The following FAM114A1 variants were observed in gnomAD, a reference collection of about 807,000 sequenced individuals.
FAM114A1 encodes family with sequence similarity 114 member A1, also known as protein NOXP20.
Under a neutral mutation model 64.3 loss-of-function variants are expected in FAM114A1, and 62 were observed. The ratio of observed to expected loss-of-function variants is 0.96; its 90% CI spans 0.79 to 1.19. The LOEUF (loss-of-function observed/expected upper bound fraction) is 1.19. FAM114A1 is among the 50% of genes most tolerant of loss of function. FAM114A1 has a pLI of 0.00. For synonymous variants in FAM114A1, 254 were observed against 251.1 expected, an observed-to-expected ratio of 1.01 and a Z score of -0.11; for missense variants, 645 against 676.3, an observed-to-expected ratio of 0.95 and a Z score of 0.51.
At chr4:38,924,814 C>G (rs747633189) in intron 9 of FAM114A1, among the ~76,000 whole-genome samples, 1 of 152,246 alleles carries the variant, frequency 6.6e-6, no homozygotes, top group Non-Finnish European at 1.5e-5. Flanking sequence ...TGCCCCTTTC[C>G]CAGACTAGCA....
chr4:38,917,499 T>C (rs28445734), intron 8 of FAM114A1, among the ~76,000 whole-genome samples: 79,989 of 152,126 alleles, frequency 0.53, 23,514 homozygotes, highest in African/African-American at 0.79. Flanking sequence ...AGATAATCCA[T>C]GGAAAGCTAG....
chr4:38,876,975 G>C (rs1307957160), intron 2 of FAM114A1, among the ~76,000 whole-genome samples: 1 of 152,082 alleles, frequency 6.6e-6, no homozygotes, highest in Non-Finnish European at 1.5e-5. Flanking sequence ...TACATTTAAG[G>C]CCAACTCAGA....
intron 7 of FAM114A1, among the ~76,000 whole-genome samples, chr4:38,910,829 C>T (rs1043189905): frequency 3.9e-5 from 6 of 151,964 alleles, no homozygotes; most frequent in South Asian, 4.2e-4. Flanking sequence ...GGGCTCCGGG[C>T]GAGAGCTGTT....
chr4:38,908,846 A>C (rs1718275285), intron 7 of FAM114A1, 120 bp downstream of exon 7: 17 of 1,073,640 alleles, frequency 1.6e-5, no homozygotes, highest in Non-Finnish European at 2.2e-5. Flanking sequence ...ACCAAAGAGC[A>C]GAGAGAGAAA....
At chr4:38,878,011 C>A in intron 2 of FAM114A1, 60 bp from the exon 3 acceptor site, 2 of 1,367,664 alleles carry the variant, frequency 1.5e-6, no homozygotes, top group Non-Finnish European at 2.0e-6. Flanking sequence ...TTATCCAGGG[C>A]TTTGAATTGA....
At chr4:38,912,306 A>G (rs1238837433) in intron 7 of FAM114A1, among the ~76,000 whole-genome samples, 1 of 152,134 alleles carries the variant, frequency 6.6e-6, no homozygotes, top group Non-Finnish European at 1.5e-5. Context: ...TTTCTTCTCT[A>G]GTGGGAAAAT....
intron 10 of FAM114A1, 86 bp downstream of exon 10, chr4:38,929,419 G>A: frequency 9.8e-7 from 1 of 1,017,192 alleles, no homozygotes; most frequent in South Asian, 1.4e-5. Flanking sequence ...AGATGCACCT[G>A]AAATGGAAAA....
chr4:38,936,361 TG>T, intron 13 of FAM114A1, among the ~76,000 whole-genome samples: 1 of 152,112 alleles, frequency 6.6e-6, no homozygotes, highest in African/African-American at 2.4e-5. Flanking sequence ...TGCAAAGTGC[TG>T]GGATTACAGG....
At chr4:38,911,278 C>T (rs1167044394) in intron 7 of FAM114A1, among the ~76,000 whole-genome samples, 1 of 152,276 alleles carries the variant, frequency 6.6e-6, no homozygotes, top group Non-Finnish European at 1.5e-5. Flanking sequence ...AAAGGCTGGG[C>T]GAAGCCATGG....
intron 2 of FAM114A1, among the ~76,000 whole-genome samples, chr4:38,876,482 A>C (rs1714655604): frequency 6.6e-6 from 1 of 152,046 alleles, no homozygotes; most frequent in South Asian, 2.1e-4. Context: ...TCCTATGCTT[A>C]TTCTCATTAT....
chr4:38,941,437 G>A (rs546186443), intron 14 of FAM114A1, among the ~76,000 whole-genome samples: 3 of 152,224 alleles, frequency 2.0e-5, no homozygotes, highest in Admixed American at 2.0e-4. Context: ...GTCCAAGCTG[G>A]CAACAATGAC....
At chr4:38,884,627 A>T (rs1198624048) in intron 3 of FAM114A1, among the ~76,000 whole-genome samples, 1 of 152,244 alleles carries the variant, frequency 6.6e-6, no homozygotes, top group African/African-American at 2.4e-5. Context: ...TTCAGATCAC[A>T]TTGTACCACA....
intron 3 of FAM114A1, among the ~76,000 whole-genome samples, chr4:38,883,225 G>C (rs1715470932): frequency 6.6e-6 from 1 of 152,130 alleles, no homozygotes. Context: ...TGTTGTATGA[G>C]AGCAATGATT....
rs1451000941 is a variant in FAM114A1 at position 38,878,527 on chromosome 4, A to G, written c.348+101A>G. ...TCTGTGGGTGGGAATTGGGAGTTCA[A>G]AATGTACTGTGACATCCCCTCTGTC... On this transcript the variant is annotated intron_variant, in intron 3 of 14. Coordinates refer to ENST00000358869, the MANE Select transcript of FAM114A1 (RefSeq NM_138389.4). 3.3e-5 allele frequency: 31 copies of G among 942,358 alleles called. No individual in the cohort carries two copies. The East Asian group carries it at 3.5e-4, about 11-fold the overall frequency. 58.4% of individuals were successfully genotyped at this position (942,358 alleles called of 1,614,324 possible).
chr4:38,878,237 T>C lies in FAM114A1; in HGVS notation c.159T>C (p.His53=). The C allele has an allele frequency of 6.2e-7, 1 of 1,614,162 alleles. No homozygotes were observed. Among genetic ancestry groups the C allele is most frequent in the South Asian group, 1.1e-5 (1 of 91,086 alleles). ...PTPADPRGEG[H]ENAAVQGAGA... The stretch of plus-strand genomic sequence containing the variant: ...CAGCTGACCCCAGAGGGGAGGGGCA[T>C]GAAAATGCAGCTGTGCAGGGTGCAG... Residue 53 remains histidine (H), a synonymous_variant, in exon 3 of 15, where the codon CAT becomes CAC. Coordinates refer to ENST00000358869, the MANE Select transcript of FAM114A1 (RefSeq NM_138389.4).
In FAM114A1 at chr4:38,933,108, T is replaced by C. The variant is rs951343444; in HGVS notation, c.1463+734T>C. ...ACCTTGTGATCTGCCTGCCTCGGCC[T>C]CCCAAAGTGCTGGGATTACAGTCGT... is the stretch of plus-strand genomic sequence containing the variant. On this transcript the variant is annotated intron_variant, in intron 12 of 14. Transcript: ENST00000358869. 1.1e-4 allele frequency among the ~76,000 whole-genome samples: 17 copies of C among 152,222 alleles called. 1 individual carries two copies. Among genetic ancestry groups the C allele is most frequent in the Middle Eastern group, 3.4e-3 (1 of 294 alleles).
intron 10 of FAM114A1, among the ~76,000 whole-genome samples, chr4:38,930,761 G>A (rs1019646916): frequency 3.9e-5 from 6 of 152,182 alleles, no homozygotes; most frequent in South Asian, 2.1e-4. Flanking sequence ...CTGCCCCTTC[G>A]TTCTAAATTC....
chr4:38,904,747 T>C (rs1717822358), intron 4 of FAM114A1, among the ~76,000 whole-genome samples: 1 of 152,186 alleles, frequency 6.6e-6, no homozygotes, highest in South Asian at 2.1e-4. Context: ...TAATTGATCA[T>C]CTGCAATGTG....
At chr4:38,912,003 A>AG (rs747792380) in intron 7 of FAM114A1, among the ~76,000 whole-genome samples, 27 of 151,266 alleles carry the variant, frequency 1.8e-4, no homozygotes, top group Admixed American at 2.6e-4. Flanking sequence ...CTGGGATTAC[A>AG]GTGTGCACCA....
Sources: allele counts gnomAD v4.1 joint callset (sites outside exome capture counted in the v4.1 genomes callset), GRCh38; gene constraint gnomAD v4.1.1; transcripts MANE v1.5; gene names NCBI Gene and HGNC (gene_info 2026-07-23, HGNC 2026-07-21).